The following ANGPT1 variants were observed in gnomAD, a reference collection of about 807,000 sequenced individuals.
ANGPT1 encodes the protein angiopoietin-1.
ANGPT1 carries 17 observed loss-of-function variants against 62.2 expected under a neutral mutation model. The observed-to-expected ratio is 0.27, with a 90% CI of 0.19 to 0.41. ANGPT1 has a LOEUF of 0.41. ANGPT1 is among the 10% of genes least tolerant of loss of function. The probability of loss-of-function intolerance (pLI) is 1.00; values close to 1 mark genes in which losing one functional copy is unlikely to be tolerated. For synonymous variants in ANGPT1, 199 were observed against 198.9 expected (o/e 1.00, Z 0.00); for missense variants, 478 against 594.9 (o/e 0.80, Z 2.04).
intron 1 of ANGPT1, among the ~76,000 whole-genome samples, chr8:107,355,074 G>GA (rs1816013685): frequency 2.0e-5 from 3 of 151,588 alleles, no homozygotes; most frequent in Admixed American, 1.3e-4. Flanking sequence ...GCTAATTTTT[G>GA]TTTTTTTAGT....
Position 107,255,869 on chromosome 8 carries a change from T to C in ANGPT1, c.1337-3854A>G, listed in dbSNP as rs148277283. 1.1e-4 allele frequency among the ~76,000 whole-genome samples: 16 copies of C among 152,298 alleles called. No homozygotes were observed. The East Asian group carries it at 3.1e-3, about 29-fold the overall frequency. On this transcript the variant is annotated intron_variant, in intron 8 of 8. Transcript: ENST00000517746. The stretch of plus-strand genomic sequence containing the variant: ...GGCCAGAAAAAAAAGAGACAAGACC[T>C]TGTGGAGCATCACAGTAATTTAATA...
intron 1 of ANGPT1, among the ~76,000 whole-genome samples, chr8:107,416,617 A>C (rs1441624731): frequency 6.6e-6 from 1 of 152,054 alleles, no homozygotes; most frequent in Non-Finnish European, 1.5e-5. Context: ...AACCATGTAG[A>C]AGTGTGATTG....
intron 1 of ANGPT1, among the ~76,000 whole-genome samples, chr8:107,370,784 G>GA (rs1303163417): frequency 1.4e-5 from 2 of 144,634 alleles, no homozygotes; most frequent in East Asian, 2.0e-4. Context: ...ACAATGAAAA[G>GA]AAAAAAAAGA....
chr8:107,256,722 G>A (rs898080788), intron 8 of ANGPT1, among the ~76,000 whole-genome samples: 1 of 152,026 alleles, frequency 6.6e-6, no homozygotes, highest in African/African-American at 2.4e-5. Flanking sequence ...ATTCATTTAG[G>A]GAAGGCACTT....
At chr8:107,425,258 G>T (rs1157050321) in intron 1 of ANGPT1, among the ~76,000 whole-genome samples, 1 of 152,146 alleles carries the variant, frequency 6.6e-6, no homozygotes, top group Non-Finnish European at 1.5e-5. Context: ...TTTCTAGTAT[G>T]GAATTCAGGC....
chr8:107,262,114 G>C (rs1385059451), intron 8 of ANGPT1, among the ~76,000 whole-genome samples: 1 of 152,088 alleles, frequency 6.6e-6, no homozygotes, highest in Non-Finnish European at 1.5e-5. Context: ...ATAATCACTT[G>C]AACCAGGGAG....
chr8:107,324,675 C>T (rs937343868), intron 3 of ANGPT1, among the ~76,000 whole-genome samples: 9 of 152,244 alleles, frequency 5.9e-5, no homozygotes, highest in Admixed American at 1.3e-4. Context: ...AACTTGTACT[C>T]GAAGAATATG....
intron 2 of ANGPT1, 146 bp downstream of exon 2, chr8:107,346,796 A>G (rs1815813454): frequency 1.4e-6 from 1 of 705,238 alleles, no homozygotes; most frequent in Non-Finnish European, 2.2e-6. Flanking sequence ...ATAGCATGTC[A>G]GGCAGTCATT....
chr8:107,252,788 T>A (rs1813275479), intron 8 of ANGPT1, among the ~76,000 whole-genome samples: 1 of 152,234 alleles, frequency 6.6e-6, no homozygotes, highest in Non-Finnish European at 1.5e-5. Context: ...CAGTTTTATT[T>A]TTTAAATAAA....
intron 3 of ANGPT1, among the ~76,000 whole-genome samples, chr8:107,322,447 T>C (rs1050525438): frequency 1.3e-5 from 2 of 152,126 alleles, no homozygotes; most frequent in African/African-American, 4.8e-5. Context: ...TCTAAAGAAG[T>C]TATAGTATAA....
intron 1 of ANGPT1, among the ~76,000 whole-genome samples, chr8:107,481,764 C>T (rs1812693731): frequency 6.6e-6 from 1 of 152,002 alleles, no homozygotes; most frequent in Admixed American, 6.6e-5. Context: ...GAGTCCCGAG[C>T]GAAGGGGGAA....
chr8:107,304,959 A>G (rs779009487), intron 4 of ANGPT1, among the ~76,000 whole-genome samples: 2 of 151,984 alleles, frequency 1.3e-5, no homozygotes, highest in Non-Finnish European at 2.9e-5. Context: ...TGCAAATAGC[A>G]ATTTAAAGAT....
chr8:107,445,319 G>A (rs1811588397), intron 1 of ANGPT1, among the ~76,000 whole-genome samples: 2 of 152,094 alleles, frequency 1.3e-5, no homozygotes. Flanking sequence ...GTATTTGGAT[G>A]CAATGGGGAG....
At chr8:107,444,481 G>A (rs538311834) in intron 1 of ANGPT1, among the ~76,000 whole-genome samples, 5 of 152,294 alleles carry the variant, frequency 3.3e-5, no homozygotes, top group South Asian at 4.1e-4. Flanking sequence ...CTAGAAGCAC[G>A]AGGTCCTATC....
intron 1 of ANGPT1, among the ~76,000 whole-genome samples, chr8:107,391,645 C>T (rs984698299): frequency 2.0e-5 from 3 of 152,004 alleles, no homozygotes; most frequent in South Asian, 2.1e-4. Flanking sequence ...CCAGCCTGGG[C>T]GACACAGTAA....
chr8:107,303,124 A>G, intron 5 of ANGPT1, 116 bp downstream of exon 5: 17 of 1,222,224 alleles, frequency 1.4e-5, no homozygotes, highest in Non-Finnish European at 1.9e-5. Context: ...GGGAGAAAAA[A>G]GTTCAGGCAT....
chr8:107,335,728 A>C (rs13266757), intron 3 of ANGPT1, among the ~76,000 whole-genome samples: 29,777 of 152,140 alleles, frequency 0.2, 3,299 homozygotes, highest in East Asian at 0.34. Context: ...CTGAATTCAA[A>C]AACGCTGTAG....
intron 4 of ANGPT1, among the ~76,000 whole-genome samples, chr8:107,313,430 T>TTG (rs1814927004): frequency 1.2e-4 from 2 of 17,094 alleles, no homozygotes; most frequent in African/African-American, 6.2e-4. Flanking sequence ...TTACTAGTTG[T>TTG]TTTTTTTTTT....
intron 1 of ANGPT1, among the ~76,000 whole-genome samples, chr8:107,430,929 A>G (rs1811169229): frequency 6.6e-6 from 1 of 152,228 alleles, no homozygotes; most frequent in South Asian, 2.1e-4. Context: ...ACCTCTTGGT[A>G]TCACATATTC....
Sources: gnomAD v4.1 joint callset for allele counts (sites outside exome capture counted in the v4.1 genomes callset) on GRCh38, gnomAD v4.1.1 for gene constraint, MANE v1.5 for transcripts, NCBI Gene and HGNC (gene_info 2026-07-23, HGNC 2026-07-21) for gene names.